WDR74: variants seen among roughly 807,000 people sequenced by gnomAD.
WDR74 encodes the protein WD repeat domain 74, also known as WD repeat-containing protein 74.
In WDR74, 31 loss-of-function variants were observed where a neutral mutation model predicts 45.6. The ratio of observed to expected loss-of-function variants is 0.68; its 90% confidence interval spans 0.51 to 0.92. The LOEUF is 0.92. WDR74 is among the 40% of genes least tolerant of loss of function. WDR74 has a pLI of 0.00. For synonymous variants in WDR74, 191 were observed against 192.4 expected, an observed-to-expected ratio of 0.99 and a Z score of 0.06; for missense variants, 455 against 497.2, an observed-to-expected ratio of 0.92 and a Z score of 0.81.
Position 62,835,702 on chromosome 11 carries a change from G to A in WDR74, c.509C>T (p.Ala170Val). The change falls in exon 5 of 11, where the codon GCC (alanine) becomes GTC (valine). Residue 170 changes from alanine (A) to valine (V), a missense_variant. Transcript: ENST00000278856. ...CACACTCTTGTCACTCACGTTCTTG[G>A]CCCTGAACACAGGTTCCTCAGAGCC... ...LQGSEEPVFR[A>V]KNVRNDWLDL... 2 of 1,613,828 alleles carry A rather than the reference G, an allele frequency of 1.2e-6. No homozygotes were observed. The highest frequency in any genetic ancestry group is 8.5e-7 in the Non-Finnish European group (1 of 1,179,864).
rs2084949740 is a variant in WDR74 at position 62,835,751 on chromosome 11, C to G, written c.460G>C (p.Ala154Pro). ...HVVATGGKEN[A>P]LKIWDLQGSE... is the part of the protein sequence containing the mutation. The stretch of plus-strand genomic sequence containing the variant: ...CCCTGCAGGTCCCATATCTTCAAAG[C>G]ATTCTCTTTCCCACCTGTGGCAACC... The change falls in exon 5 of 11, where the codon GCT (alanine) becomes CCT (proline). Residue 154 changes from alanine to proline, a missense_variant. Coordinates refer to ENST00000278856, the MANE Select transcript of WDR74 (RefSeq NM_001369450.1). 6.2e-7 allele frequency: 1 copy of G among 1,613,952 alleles called. No homozygotes were observed. The highest frequency in any genetic ancestry group is 8.5e-7 in the Non-Finnish European group (1 of 1,179,882).
At chr11:62,841,400 C>T (rs11231245), upstream of WDR74, among the ~76,000 whole-genome samples, 149 of 151,576 alleles carry the variant, frequency 9.8e-4, no homozygotes, top group African/African-American at 2.6e-3. Flanking sequence ...ACCCCAGAGG[C>T]TGAAGTATGA....
At chr11:62,839,723 C>T, upstream of WDR74, 1 of 916,276 alleles carries the variant, frequency 1.1e-6, no homozygotes, top group Non-Finnish European at 1.6e-6. Flanking sequence ...GAAAATGAAA[C>T]CAGGAGGTGC....
chr11:62,841,713 C>G (rs550651613), upstream of WDR74: 1 of 152,168 alleles, frequency 6.6e-6, no homozygotes, highest in Non-Finnish European at 1.5e-5. Flanking sequence ...TCCAAAAATC[C>G]ATTTAATATA....
chr11:62,835,868 G>C, intron 4 of WDR74, 27 bp from the exon 5 acceptor site: 3 of 1,599,428 alleles, frequency 1.9e-6, no homozygotes, highest in Non-Finnish European at 2.6e-6. Context: ...ATAAGAGTCC[G>C]TTCCAGAGTC....
intron 6 of WDR74, 84 bp from the exon 7 acceptor site, chr11:62,834,611 A>G: frequency 8.5e-7 from 1 of 1,174,876 alleles, no homozygotes; most frequent in Non-Finnish European, 1.2e-6. Context: ...CCCTCCCTGC[A>G]CACTGCTTTC....
chr11:62,839,232 G>C lies in WDR74; in HGVS notation c.175C>G (p.Leu59Val), dbSNP rs376886585. 6.2e-7 allele frequency: 1 copy of C among 1,613,544 alleles called. No individual in the cohort carries two copies. The highest frequency in any genetic ancestry group is 8.5e-7 in the Non-Finnish European group (1 of 1,179,890). The change falls in exon 3 of 11, where the codon CTG becomes GTG. Residue 59 changes from leucine (L) to valine (V), a missense_variant. Leu to Val is a conservative substitution (Grantham distance 32). Coordinates refer to ENST00000278856, the MANE Select transcript of WDR74 (RefSeq NM_001369450.1). ...CWGTGGETQM[L>V]VGCADRTVKH... The stretch of plus-strand genomic sequence containing the variant: ...ACCGTCCTGTCCGCGCAGCCCACCA[G>C]CATCTGCGGCAAAGAAGGGCAAGAT...
chr11:62,833,315 A>AG (rs1182004838), intron 10 of WDR74, among the ~76,000 whole-genome samples, 184 bp from the exon 11 acceptor site: 2 of 150,542 alleles, frequency 1.3e-5, no homozygotes, highest in African/African-American at 4.9e-5. Context: ...AAAAAAAAAA[A>AG]AAAAAAAAGA....
chr11:62,840,706 C>G (rs1313864978), upstream of WDR74, among the ~76,000 whole-genome samples: 1 of 152,168 alleles, frequency 6.6e-6, no homozygotes, highest in Non-Finnish European at 1.5e-5. Flanking sequence ...GAATCTTGCT[C>G]TGTCTCTCAG....
Position 62,839,388 on chromosome 11 carries a change from G to C in WDR74, c.105C>G (p.Ala35=). 6.2e-7 allele frequency: 1 copy of C among 1,612,890 alleles called. No individual in the cohort carries two copies. Among genetic ancestry groups the C allele is most frequent in the Non-Finnish European group, 8.5e-7 (1 of 1,179,832 alleles). Residue 35 remains alanine (A), a synonymous_variant, in exon 2 of 11, where the codon GCC becomes GCG. Transcript: ENST00000278856. Reference sequence around the variant, plus strand: ...CCTCCTCGCGCCGCGGCTGTCCTCCGGCCGTGAAGTTCGCCGCCTGTTTTC... The same window carrying C: ...CCTCCTCGCGCCGCGGCTGTCCTCCCGCCGTGAAGTTCGCCGCCTGTTTTC... The part of the protein sequence containing the change: ...LQRKQAANFT[A]GGQPRREEAV...
In WDR74 at chr11:62,834,489, T is replaced by C; in HGVS notation, c.657A>G (p.Pro219=). The stretch of plus-strand genomic sequence containing the variant: ...ACTCTCCATAGGTGGTCTCTAGGAC[T>C]GGCCGGCGCTGGGGGGATGCTGGAT... The part of the protein sequence containing the change: ...VYDPASPQRR[P]VLETTYGEYP... The change falls in exon 7 of 11, where the codon CCA becomes CCG. Residue 219 remains proline, a synonymous_variant. Coordinates refer to ENST00000278856, the MANE Select transcript of WDR74 (RefSeq NM_001369450.1). 1 of 1,608,550 alleles carries C rather than the reference T, an allele frequency of 6.2e-7. No homozygotes were observed. The highest frequency in any genetic ancestry group is 1.1e-5 in the South Asian group (1 of 90,968).
intron 10 of WDR74, 149 bp downstream of exon 10, chr11:62,833,469 A>T: frequency 1.0e-6 from 1 of 983,306 alleles, no homozygotes; most frequent in Non-Finnish European, 1.5e-6. Flanking sequence ...TCAGGATTTT[A>T]ACTGTTAATG....
At position 62,839,392 on chromosome 11, in the gene WDR74, G is replaced by A; in HGVS notation, c.101C>T (p.Thr34Met). 1.2e-6 allele frequency: 2 copies of A among 1,612,902 alleles called. No homozygotes were observed. The highest frequency in any genetic ancestry group is 2.2e-5 in the East Asian group (1 of 44,878). ...NLQRKQAANF[T>M]AGGQPRREEA... ...CTCGCGCCGCGGCTGTCCTCCGGCC[G>A]TGAAGTTCGCCGCCTGTTTTCGCTG... is the stretch of plus-strand genomic sequence containing the variant. Residue 34 changes from threonine to methionine, a missense_variant, in exon 2 of 11, where the codon ACG becomes ATG. Coordinates refer to ENST00000278856, the MANE Select transcript of WDR74 (RefSeq NM_001369450.1).
intron 3 of WDR74, among the ~76,000 whole-genome samples, chr11:62,837,732 C>T (rs1287143851): frequency 2.6e-5 from 4 of 152,154 alleles, no homozygotes; most frequent in African/African-American, 9.7e-5. Flanking sequence ...CAGACCTCAC[C>T]TGTCAGAATT....
At position 62,833,864 on chromosome 11, in the gene WDR74, T is replaced by C. The variant is rs949775719; in HGVS notation, c.849A>G (p.Leu283=). The C allele has an allele frequency of 5.6e-6, 9 of 1,613,866 alleles. No homozygotes were observed. Among genetic ancestry groups the C allele is most frequent in the Admixed American group, 3.3e-5 (2 of 59,982 alleles). ...CTCTGTCCAAGCCACAGGAGGCTAG[T>C]AGAGGCTTTGAAGGGTGGCACTGCA... ...RGLQCHPSKP[L]LASCGLDRVL... is the part of the protein sequence containing the mutation. Residue 283 remains leucine, a synonymous_variant, in exon 9 of 11, where the codon CTA becomes CTG. Coordinates refer to ENST00000278856, the MANE Select transcript of WDR74 (RefSeq NM_001369450.1).
chr11:62,840,369 G>C (rs1043694369), upstream of WDR74: 1 of 151,724 alleles, frequency 6.6e-6, no homozygotes, highest in Non-Finnish European at 1.5e-5. Flanking sequence ...TGTAGTCCCA[G>C]CTACTCCGGA....
upstream of WDR74, among the ~76,000 whole-genome samples, chr11:62,841,329 TAAGAAATAAAA>T (rs372002362): frequency 6.6e-6 from 1 of 151,630 alleles, no homozygotes; most frequent in Non-Finnish European, 1.5e-5. Context: ...AAAAAATAAA[TAAGAAATAAAA>T]ATGGAAAACA....
intron 3 of WDR74, among the ~76,000 whole-genome samples, chr11:62,838,153 T>C (rs1256244237): frequency 1.3e-5 from 2 of 152,012 alleles, no homozygotes; most frequent in African/African-American, 2.4e-5. Context: ...GCTTAAAACT[T>C]TTTTTGTTGT....
upstream of WDR74, chr11:62,841,737 G>C (rs537154259): frequency 9.9e-5 from 15 of 152,144 alleles, no homozygotes; most frequent in East Asian, 1.9e-4. Context: ...TCCTCGGATA[G>C]AGGACGTATC....
Sources: gnomAD v4.1 joint callset for allele counts (sites outside exome capture counted in the v4.1 genomes callset) on GRCh38, gnomAD v4.1.1 for gene constraint, MANE v1.5 for transcripts, NCBI Gene and HGNC (gene_info 2026-07-23, HGNC 2026-07-21) for gene names.